The following TLN2 variants were observed in gnomAD, a reference collection of about 807,000 sequenced individuals.
TLN2 encodes talin 2, also known as talin-2.
A neutral mutation model predicts 294.7 loss-of-function variants in TLN2; 118 were observed. That is an observed-to-expected ratio of 0.40 (90% CI 0.34 to 0.47). The LOEUF is 0.47. Ranked by LOEUF, TLN2 falls within the 20% of genes least tolerant of loss-of-function variation. The probability of loss-of-function intolerance (pLI) is 0.84; values close to 1 mark genes in which losing one functional copy is unlikely to be tolerated. For missense variants in TLN2, 3,083 were observed against 3,282.2 expected (o/e 0.94, Z 1.48); for synonymous variants, 1,431 against 1,304.5 (o/e 1.10, Z -2.09).
chr15:62,646,497 G>A (rs1187192067), intron 3 of TLN2, among the ~76,000 whole-genome samples: 1 of 152,180 alleles, frequency 6.6e-6, no homozygotes, highest in East Asian at 1.9e-4. Flanking sequence ...AACTGGAGAA[G>A]AAACAAAATA....
chr15:62,410,418 A>G (rs1012807060), intron 1 of TLN2, among the ~76,000 whole-genome samples: 1 of 152,216 alleles, frequency 6.6e-6, no homozygotes, highest in African/African-American at 2.4e-5. Context: ...CCTAAAAAGG[A>G]TGAATTTTAC....
chr15:62,523,772 C>G (rs1012312010), intron 1 of TLN2, among the ~76,000 whole-genome samples: 1 of 152,118 alleles, frequency 6.6e-6, no homozygotes, highest in African/African-American at 2.4e-5. Flanking sequence ...GTACACACCT[C>G]AATAAATGTT....
chr15:62,746,979 C>T (rs1265085947), intron 32 of TLN2, among the ~76,000 whole-genome samples: 1 of 152,012 alleles, frequency 6.6e-6, no homozygotes, highest in South Asian at 2.1e-4. Flanking sequence ...GTGGTATCGA[C>T]AAAACATTGA....
chr15:62,759,348 ATGTTATTCAAGGCTT>A (rs1349578682), intron 37 of TLN2, among the ~76,000 whole-genome samples: 1 of 152,240 alleles, frequency 6.6e-6, no homozygotes, highest in Admixed American at 6.5e-5. Flanking sequence ...ATTCTAGTTC[ATGTTATTCAAGGCTT>A]TGACCTGCAA....
chr15:62,411,484 C>T (rs2033777432), intron 1 of TLN2, among the ~76,000 whole-genome samples: 1 of 120,520 alleles, frequency 8.3e-6, no homozygotes, highest in South Asian at 2.5e-4. Context: ...TGTTTTGTTC[C>T]CATGCTGCAT....
In TLN2 at chr15:62,806,531, A is replaced by G. The variant is rs576486415; in HGVS notation, c.6663+746A>G. ...TGGTGAGGAAGTGAGTTGGAGGAATATAGCAGAACTTGGCGAGCTGCTTTT... is the reference window on the plus strand; with the variant it reads ...TGGTGAGGAAGTGAGTTGGAGGAATGTAGCAGAACTTGGCGAGCTGCTTTT... On this transcript the variant is annotated intron_variant, in intron 51 of 58. Coordinates refer to ENST00000636159, the MANE Select transcript of TLN2 (RefSeq NM_015059.3). Among the ~76,000 whole-genome samples, 4 of 152,332 alleles carry G rather than the reference A, an allele frequency of 2.6e-5. No individual in the cohort carries two copies. In the South Asian group the frequency reaches 8.3e-4, roughly 32 times the overall value.
intron 1 of TLN2, among the ~76,000 whole-genome samples, chr15:62,452,878 A>T (rs560054144): frequency 6.6e-6 from 1 of 151,956 alleles, no homozygotes; most frequent in African/African-American, 2.4e-5. Context: ...ATGGACTGGC[A>T]GCTGGGGGCT....
At chr15:62,694,441 A>C (rs550339259) in intron 14 of TLN2, 49 bp downstream of exon 14, 14 of 1,540,572 alleles carry the variant, frequency 9.1e-6, no homozygotes, top group East Asian at 2.3e-5. Flanking sequence ...CTAGATAGGT[A>C]GGTTTCCTCT....
chr15:62,571,925 T>A (rs2043897508), intron 1 of TLN2, among the ~76,000 whole-genome samples: 1 of 152,228 alleles, frequency 6.6e-6, no homozygotes, highest in Non-Finnish European at 1.5e-5. Flanking sequence ...TCTTGTGGTC[T>A]ATCCTGTAAG....
chr15:62,835,643 A>T, intron 55 of TLN2, 94 bp from the exon 56 acceptor site: 2 of 1,391,874 alleles, frequency 1.4e-6, no homozygotes, highest in South Asian at 2.3e-5. Flanking sequence ...CAAGCGGGGT[A>T]CAAGTCTGGT....
At position 62,753,856 on chromosome 15, in the gene TLN2, T is replaced by A. The variant is rs1279339345; in HGVS notation, c.4416T>A (p.Ala1472=). The change falls in exon 36 of 59, where the codon GCT becomes GCA. Residue 1472 remains alanine (A), a synonymous_variant. Coordinates refer to ENST00000636159, the MANE Select transcript of TLN2 (RefSeq NM_015059.3). ...GLVDPIQFAR[A]NQAIQMACQN... ...TGGACCCCATCCAGTTTGCCAGGGCTAACCAGGCCATCCAGATGGCATGCC... is the reference window on the plus strand; with the variant it reads ...TGGACCCCATCCAGTTTGCCAGGGCAAACCAGGCCATCCAGATGGCATGCC... The A allele has an allele frequency of 6.2e-7, 1 of 1,611,840 alleles. No homozygotes were observed. Among genetic ancestry groups the A allele is most frequent in the Non-Finnish European group, 8.5e-7 (1 of 1,179,152 alleles).
Position 62,750,536 on chromosome 15 carries a change from A to G in TLN2, c.4209+45A>G, listed in dbSNP as rs761405133. 1.8e-5 allele frequency: 28 copies of G among 1,545,578 alleles called. No homozygotes were observed. In the Admixed American group the frequency reaches 4.5e-4, roughly 25 times the overall value. On this transcript the variant is annotated intron_variant, in intron 34 of 58. Coordinates refer to ENST00000636159, the MANE Select transcript of TLN2 (RefSeq NM_015059.3). ...AAGTCAGAAGTTAGCATTGCTTGTCAATGTGGGGAGAAGTTTAGACGTGCC... is the reference window on the plus strand; with the variant it reads ...AAGTCAGAAGTTAGCATTGCTTGTCGATGTGGGGAGAAGTTTAGACGTGCC...
intron 33 of TLN2, 41 bp downstream of exon 33, chr15:62,748,485 G>A (rs766204328): frequency 2.1e-6 from 3 of 1,412,490 alleles, no homozygotes; most frequent in Non-Finnish European, 3.0e-6. Context: ...GAGAGAGGGA[G>A]TGTCTGTGTC....
intron 22 of TLN2, among the ~76,000 whole-genome samples, chr15:62,712,687 C>A (rs750164200): frequency 2.2e-4 from 34 of 152,122 alleles, no homozygotes; most frequent in Non-Finnish European, 3.7e-4. Context: ...CAGTTTCATC[C>A]CCAAAGATCC....
At chr15:62,776,236 A>G (rs2063713939) in intron 42 of TLN2, among the ~76,000 whole-genome samples, 1 of 152,160 alleles carries the variant, frequency 6.6e-6, no homozygotes, top group African/African-American at 2.4e-5. Context: ...GGCTCCATGC[A>G]TTTCTCCAAC....
At chr15:62,497,773 T>G (rs1405008831) in intron 1 of TLN2, among the ~76,000 whole-genome samples, 1 of 152,168 alleles carries the variant, frequency 6.6e-6, no homozygotes, top group Non-Finnish European at 1.5e-5. Context: ...AGCTCTAAAT[T>G]TTTTTAAGAA....
intron 1 of TLN2, among the ~76,000 whole-genome samples, chr15:62,572,466 G>C (rs888531535): frequency 6.6e-6 from 1 of 151,992 alleles, no homozygotes; most frequent in Non-Finnish European, 1.5e-5. Context: ...GGCTGGTCTC[G>C]AACTCCAGGG....
chr15:62,737,961 G>T (rs1257379736), intron 29 of TLN2, among the ~76,000 whole-genome samples: 1 of 152,188 alleles, frequency 6.6e-6, no homozygotes, highest in Non-Finnish European at 1.5e-5. Context: ...TGGCTTTGGG[G>T]AGCAGGTGGG....
chr15:62,433,556 C>A (rs138148553), intron 1 of TLN2, among the ~76,000 whole-genome samples: 3 of 152,220 alleles, frequency 2.0e-5, no homozygotes, highest in Admixed American at 6.5e-5. Context: ...GATTGTGTTA[C>A]CTGCTTGCTT....
Sources: allele counts gnomAD v4.1 joint callset (sites outside exome capture counted in the v4.1 genomes callset), GRCh38; gene constraint gnomAD v4.1.1; transcripts MANE v1.5; gene names NCBI Gene and HGNC (gene_info 2026-07-23, HGNC 2026-07-21).